The following RBFOX1 variants were observed in gnomAD, a reference collection of about 807,000 sequenced individuals.
RBFOX1 encodes the protein RNA binding fox-1 homolog 1, also known as RNA binding protein fox-1 homolog 1.
Under a neutral mutation model 57.7 loss-of-function variants are expected in RBFOX1, and 8 were observed. The observed-to-expected ratio is 0.14, with a 90% CI of 0.08 to 0.25. The LOEUF (loss-of-function observed/expected upper bound fraction) is 0.25. RBFOX1 is among the 10% of genes least tolerant of loss of function. The probability of loss-of-function intolerance (pLI) is 1.00; values close to 1 mark genes in which losing one functional copy is unlikely to be tolerated. For missense variants in RBFOX1, 611 were observed against 548.5 expected, an observed-to-expected ratio of 1.11 and a Z score of -1.14; for synonymous variants, 326 against 222.4, an observed-to-expected ratio of 1.47 and a Z score of -4.15.
At chr16:6,078,950 A>G (rs921351394) in intron 1 of RBFOX1, among the ~76,000 whole-genome samples, 1 of 152,198 alleles carries the variant, frequency 6.6e-6, no homozygotes, top group Non-Finnish European at 1.5e-5. Flanking sequence ...GATTTAATTT[A>G]TCCTTCCACA....
At chr16:6,611,024 G>T (rs1471323042) in intron 2 of RBFOX1, among the ~76,000 whole-genome samples, 1 of 152,168 alleles carries the variant, frequency 6.6e-6, no homozygotes, top group Admixed American at 6.5e-5. Context: ...CAAATTAGAA[G>T]AAAGTGTATG....
chr16:7,481,175 A>G (rs1212449934), intron 4 of RBFOX1, among the ~76,000 whole-genome samples: 1 of 152,216 alleles, frequency 6.6e-6, no homozygotes, highest in Non-Finnish European at 1.5e-5. Context: ...TGTCTGGATT[A>G]GAAACTGAGT....
chr16:7,496,691 CTTT>C (rs71147702), intron 4 of RBFOX1, among the ~76,000 whole-genome samples: 1 of 139,152 alleles, frequency 7.2e-6, no homozygotes, highest in African/African-American at 2.7e-5. Flanking sequence ...TTAACAAAGA[CTTT>C]TTTTTTTTAA....
At chr16:5,787,243 C>T (rs2054534918) in intron 3 of RBFOX1, among the ~76,000 whole-genome samples, 1 of 152,188 alleles carries the variant, frequency 6.6e-6, no homozygotes, top group Non-Finnish European at 1.5e-5. Context: ...CAGGTGAGCA[C>T]ACCAAGGACA....
At chr16:6,996,577 A>T (rs1412742304) in intron 3 of RBFOX1, among the ~76,000 whole-genome samples, 1 of 152,220 alleles carries the variant, frequency 6.6e-6, no homozygotes, top group East Asian at 1.9e-4. Context: ...CTCATTTACT[A>T]GCCCAACGAC....
intron 4 of RBFOX1, among the ~76,000 whole-genome samples, chr16:7,479,479 C>G (rs184908804): frequency 1.3e-3 from 205 of 152,248 alleles, no homozygotes; most frequent in African/African-American, 4.7e-3. Context: ...TCAGCCCTTC[C>G]TTGCTTGCAG....
chr16:6,666,026 C>T (rs942076229), intron 3 of RBFOX1, among the ~76,000 whole-genome samples: 1 of 152,120 alleles, frequency 6.6e-6, no homozygotes, highest in African/African-American at 2.4e-5. Context: ...CTCCCGAGAT[C>T]TGATGGTTTT....
chr16:6,871,911 CTGTGTGTGTGTGTGTGTGTGTGTGTG>C (rs57684251), intron 3 of RBFOX1, among the ~76,000 whole-genome samples: 4 of 129,610 alleles, frequency 3.1e-5, no homozygotes, highest in Non-Finnish European at 4.8e-5. Flanking sequence ...GGGAGAGAGT[CTGTGTGTGTGTGTGTGTGTGTGTGTG>C]TGTGTGTGTG....
intron 1 of RBFOX1, among the ~76,000 whole-genome samples, chr16:6,177,186 GT>G (rs569428293): frequency 0.058 from 7,468 of 128,488 alleles, 249 homozygotes; most frequent in Middle Eastern, 0.13. Context: ...TTTCTTGTTT[GT>G]TTTTTTTTTT....
Position 5,388,796 on chromosome 16 carries a change from C to T in RBFOX1, c.220-78420C>T, listed in dbSNP as rs1164433151. ...TTCACCATATTGGTCAGGCTGGTCT[C>T]GAGCTCCTGACCTCAGATGATCCAC... is the stretch of plus-strand genomic sequence containing the variant. On this transcript the variant is annotated intron_variant, in intron 1 of 2. Coordinates refer to the RBFOX1 transcript ENST00000585867. 3.9e-5 allele frequency among the ~76,000 whole-genome samples: 6 copies of T among 151,930 alleles called. No homozygotes were observed. The South Asian group carries it at 6.2e-4, about 16-fold the overall frequency.
At chr16:5,814,694 C>T (rs550903594) in intron 3 of RBFOX1, among the ~76,000 whole-genome samples, 1 of 151,994 alleles carries the variant, frequency 6.6e-6, no homozygotes, top group African/African-American at 2.4e-5. Context: ...TTTGGGAGGC[C>T]GAGGCGGGTG....
At chr16:6,708,991 A>C (rs1010591812) in intron 3 of RBFOX1, among the ~76,000 whole-genome samples, 10 of 144,112 alleles carry the variant, frequency 6.9e-5, no homozygotes, top group African/African-American at 2.3e-4. Context: ...TTTTTTTTTT[A>C]ATCATTTTTA....
intron 1 of RBFOX1, among the ~76,000 whole-genome samples, chr16:6,026,161 T>G (rs941528322): frequency 6.6e-6 from 1 of 152,222 alleles, no homozygotes; most frequent in Non-Finnish European, 1.5e-5. Context: ...GCATCTTATA[T>G]TTTATTGAGT....
chr16:7,339,611 TG>T (rs1242852148), intron 4 of RBFOX1, among the ~76,000 whole-genome samples: 1 of 152,104 alleles, frequency 6.6e-6, no homozygotes, highest in African/African-American at 2.4e-5. Context: ...AGCTTATTTT[TG>T]TATTTTTAGT....
chr16:7,622,123 G>A (rs1216425987), intron 10 of RBFOX1, among the ~76,000 whole-genome samples: 1 of 152,140 alleles, frequency 6.6e-6, no homozygotes, highest in African/African-American at 2.4e-5. Flanking sequence ...CCAAAAGTCT[G>A]TAGTTGGTCA....
intron 2 of RBFOX1, among the ~76,000 whole-genome samples, chr16:6,610,797 C>G (rs2098037073): frequency 1.3e-5 from 2 of 152,178 alleles, no homozygotes; most frequent in African/African-American, 4.8e-5. Flanking sequence ...ACATCCCCTG[C>G]TTTGAGAAGT....
chr16:7,467,240 G>A (rs537753111), intron 4 of RBFOX1, among the ~76,000 whole-genome samples: 24 of 152,230 alleles, frequency 1.6e-4, no homozygotes, highest in African/African-American at 4.8e-4. Flanking sequence ...TTTCCAATGA[G>A]TCTCCTAGGC....
At chr16:6,854,424 G>C (rs1205475345) in intron 3 of RBFOX1, among the ~76,000 whole-genome samples, 2 of 151,854 alleles carry the variant, frequency 1.3e-5, no homozygotes, top group African/African-American at 4.8e-5. Context: ...GGATGATCTG[G>C]GAAGCTAAAT....
In RBFOX1 at chr16:6,091,181, A is replaced by G. The variant is rs2096167308; in HGVS notation, c.-127+71189A>G. ...CCTATCTAACTGTAGGTTTGCACCC[A>G]TTAACCGATTTGTCTTCATTTCCCA... On this transcript the variant is annotated intron_variant, in intron 1 of 15. Transcript: ENST00000550418. Among the ~76,000 whole-genome samples the G allele has an allele frequency of 3.3e-5, 5 of 152,308 alleles. No individual in the cohort carries two copies. In the South Asian group the frequency reaches 1.0e-3, roughly 32 times the overall value.
Sources: gnomAD v4.1 joint callset for allele counts (sites outside exome capture counted in the v4.1 genomes callset) on GRCh38, gnomAD v4.1.1 for gene constraint, MANE v1.5 for transcripts, NCBI Gene and HGNC (gene_info 2026-07-23, HGNC 2026-07-21) for gene names.